ARHGEF38: variants seen among roughly 807,000 people sequenced by gnomAD.
ARHGEF38 encodes the protein Rho guanine nucleotide exchange factor 38.
Under a neutral mutation model 79.9 loss-of-function variants are expected in ARHGEF38, and 79 were observed. That is an observed-to-expected ratio of 0.99 (90% CI 0.82 to 1.19). ARHGEF38 has a LOEUF of 1.19. ARHGEF38 is among the 50% of genes most tolerant of loss of function. ARHGEF38 has a pLI of 0.00. For missense variants in ARHGEF38, 962 were observed against 907.2 expected (o/e 1.06, Z -0.78); for synonymous variants, 366 against 328.3 (o/e 1.11, Z -1.24).
intron 9 of ARHGEF38, among the ~76,000 whole-genome samples, chr4:105,657,222 T>A (rs1361736736): frequency 1.3e-5 from 2 of 152,206 alleles, no homozygotes; most frequent in Non-Finnish European, 2.9e-5. Flanking sequence ...ATATATTTAT[T>A]GAGTACCACC....
intron 3 of ARHGEF38, among the ~76,000 whole-genome samples, chr4:105,627,535 G>C (rs2110512576): frequency 2.0e-5 from 3 of 152,246 alleles, no homozygotes; most frequent in Admixed American, 2.0e-4. Context: ...GACTTAAAAG[G>C]GTGCATTTTT....
intron 13 of ARHGEF38, among the ~76,000 whole-genome samples, chr4:105,669,138 G>A (rs1252643949): frequency 6.6e-6 from 1 of 152,088 alleles, no homozygotes; most frequent in East Asian, 1.9e-4. Flanking sequence ...TATATCCTTT[G>A]TATATTCTGT....
At chr4:105,561,624 A>G (rs1177777281) in intron 1 of ARHGEF38, 3 of 152,104 alleles carry the variant, frequency 2.0e-5, no homozygotes, top group South Asian at 2.1e-4. Flanking sequence ...TCCCTCCCTG[A>G]CCATCCGACC....
chr4:105,678,818 T>G lies in ARHGEF38; in HGVS notation c.*881T>G, dbSNP rs1477320941. On this transcript the variant is annotated 3_prime_UTR_variant, in exon 14 of 14. Coordinates refer to ENST00000420470, the MANE Select transcript of ARHGEF38 (RefSeq NM_001242729.2). ...GCTTTTTTCTTTCTTTTCTTGTTGT[T>G]TTTTTTTTTTTTTAAAGAGACAATA... is the stretch of plus-strand genomic sequence containing the variant. 9.0e-6 allele frequency: 1 copy of G among 111,136 alleles called. No individual in the cohort carries two copies. Among genetic ancestry groups the G allele is most frequent in the African/African-American group, 4.8e-5 (1 of 20,832 alleles). 6.9% of individuals were successfully genotyped at this position (111,136 alleles called of 1,614,324 possible).
At chr4:105,577,703 A>C (rs752458341) in intron 1 of ARHGEF38, among the ~76,000 whole-genome samples, 1 of 151,956 alleles carries the variant, frequency 6.6e-6, no homozygotes, top group Non-Finnish European at 1.5e-5. Flanking sequence ...TAGGTTTTCT[A>C]GTTTGTGTGC....
At position 105,675,769 on chromosome 4, in the gene ARHGEF38, G is replaced by A. The variant is rs529397655; in HGVS notation, c.2149-1983G>A. On this transcript the variant is annotated intron_variant, in intron 13 of 13. Transcript: ENST00000420470. ...CACCAGTTTATGTGGTGTTTGCTGAGGGGCAACTTTCTGGTTCATAGATGG... is the reference window on the plus strand; with the variant it reads ...CACCAGTTTATGTGGTGTTTGCTGAAGGGCAACTTTCTGGTTCATAGATGG... Among the ~76,000 whole-genome samples the A allele has an allele frequency of 5.9e-5, 9 of 152,286 alleles. No homozygotes were observed. The East Asian group carries it at 1.7e-3, about 29-fold the overall frequency.
intron 9 of ARHGEF38, among the ~76,000 whole-genome samples, chr4:105,656,658 T>C (rs761761047): frequency 1.3e-5 from 2 of 152,194 alleles, no homozygotes; most frequent in Non-Finnish European, 2.9e-5. Flanking sequence ...AGACTGATCA[T>C]CTTGAAAGTG....
chr4:105,677,954 C>A lies in ARHGEF38; in HGVS notation c.*17C>A, dbSNP rs997211980. On this transcript the variant is annotated 3_prime_UTR_variant, in exon 14 of 14. Transcript: ENST00000420470. ...TATGCTTAAGAAAATAAGCCTTCAA[C>A]TTTTATTTTCCAGCAAGTTGTTGAT... The A allele has an allele frequency of 3.4e-6, 5 of 1,475,512 alleles. No individual in the cohort carries two copies. Among genetic ancestry groups the A allele is most frequent in the Non-Finnish European group, 4.5e-6 (5 of 1,110,544 alleles). 91.4% of individuals were successfully genotyped at this position (1,475,512 alleles called of 1,614,324 possible).
At chr4:105,563,610 G>T (rs1725743295) in intron 1 of ARHGEF38, among the ~76,000 whole-genome samples, 1 of 152,196 alleles carries the variant, frequency 6.6e-6, no homozygotes, top group South Asian at 2.1e-4. Flanking sequence ...CCTGAGGTTT[G>T]CTTGGCTCCA....
Position 105,665,598 on chromosome 4 carries a change from G to A in ARHGEF38, c.1546-579G>A, listed in dbSNP as rs137993764. 2.1e-3 allele frequency among the ~76,000 whole-genome samples: 314 copies of A among 152,084 alleles called. 2 individuals carry two copies. The highest frequency in any genetic ancestry group is 7.4e-3 in the African/African-American group (305 of 41,492). ...CTACAGGCATGTACTACCATGCCTG[G>A]CTAAGATTTAAAAATTTTTAAGAGA... is the stretch of plus-strand genomic sequence containing the variant. On this transcript the variant is annotated intron_variant, in intron 10 of 13. Transcript: ENST00000420470.
chr4:105,625,660 T>A (rs981360869), intron 3 of ARHGEF38, among the ~76,000 whole-genome samples: 9 of 152,224 alleles, frequency 5.9e-5, no homozygotes, highest in Non-Finnish European at 1.5e-5. Context: ...TCCTGGACAT[T>A]GTCATGGGAC....
chr4:105,677,762 C>T lies in ARHGEF38; in HGVS notation c.2159C>T (p.Ala720Val), dbSNP rs1359227414. 6.1e-6 allele frequency: 9 copies of T among 1,464,858 alleles called. No individual in the cohort carries two copies. The highest frequency in any genetic ancestry group is 8.2e-6 in the Non-Finnish European group (9 of 1,103,150). 90.7% of individuals were successfully genotyped at this position (1,464,858 alleles called of 1,614,324 possible). Residue 720 changes from alanine to valine, a missense_variant, in exon 14 of 14, where the codon GCA becomes GTA. Coordinates refer to ENST00000420470, the MANE Select transcript of ARHGEF38 (RefSeq NM_001242729.2). ...TGTTTCTTTGTCTAGATTTTCTATGCAGTTCATGCTTTTCAAGCACGGAGT... is the reference window on the plus strand; with the variant it reads ...TGTTTCTTTGTCTAGATTTTCTATGTAGTTCATGCTTTTCAAGCACGGAGT... The part of the protein sequence containing the change: ...FQEVDEQIFY[A>V]VHAFQARSDH...
intron 2 of ARHGEF38, among the ~76,000 whole-genome samples, chr4:105,598,912 G>A (rs967490254): frequency 2.0e-5 from 3 of 152,174 alleles, no homozygotes; most frequent in African/African-American, 7.2e-5. Context: ...AAGTCACAGT[G>A]TTGCCAGCCA....
chr4:105,625,138 A>G (rs763800584), intron 3 of ARHGEF38, among the ~76,000 whole-genome samples: 2 of 152,208 alleles, frequency 1.3e-5, no homozygotes, highest in Non-Finnish European at 2.9e-5. Flanking sequence ...TGGTTTTTAG[A>G]ATTGAACTTA....
intron 3 of ARHGEF38, 107 bp from the exon 4 acceptor site, chr4:105,630,791 T>C: frequency 2.1e-6 from 2 of 957,430 alleles, no homozygotes; most frequent in Non-Finnish European, 3.0e-6. Context: ...GGGGATAAAG[T>C]AGATCCCATC....
intron 13 of ARHGEF38, among the ~76,000 whole-genome samples, chr4:105,671,059 G>T (rs1208313222): frequency 6.6e-6 from 1 of 152,174 alleles, no homozygotes. Context: ...GGAAAAAAAT[G>T]AGATAGTATT....
At chr4:105,587,227 G>T (rs1727096434) in intron 1 of ARHGEF38, among the ~76,000 whole-genome samples, 1 of 152,124 alleles carries the variant, frequency 6.6e-6, no homozygotes, top group Non-Finnish European at 1.5e-5. Flanking sequence ...AGGATTGCTT[G>T]AGCCCAGGAG....
At chr4:105,661,417 T>C (rs1392370598) in intron 10 of ARHGEF38, among the ~76,000 whole-genome samples, 2 of 151,528 alleles carry the variant, frequency 1.3e-5, no homozygotes, top group Non-Finnish European at 2.9e-5. Flanking sequence ...CCAAAGTGGC[T>C]GCACTATTTT....
chr4:105,577,147 A>G (rs984564799), intron 1 of ARHGEF38, among the ~76,000 whole-genome samples: 2 of 151,404 alleles, frequency 1.3e-5, no homozygotes, highest in African/African-American at 4.8e-5. Context: ...CATGTGCACA[A>G]TGTGCAGGTT....
Sources: gnomAD v4.1 joint callset for allele counts (sites outside exome capture counted in the v4.1 genomes callset) on GRCh38, gnomAD v4.1.1 for gene constraint, MANE v1.5 for transcripts, NCBI Gene and HGNC (gene_info 2026-07-23, HGNC 2026-07-21) for gene names.